KLHL23: variants seen among roughly 807,000 people sequenced by gnomAD.
The protein encoded by KLHL23 is kelch like family member 23.
In KLHL23, 33 loss-of-function variants were observed where a neutral mutation model predicts 48.9. The ratio of observed to expected loss-of-function variants is 0.67; its 90% CI spans 0.51 to 0.90. The LOEUF is 0.90. Among genes scored for constraint, KLHL23 ranks in the 40% least tolerant of loss-of-function variants. KLHL23 has a pLI of 0.00. For missense variants in KLHL23, 608 were observed against 669.6 expected, an observed-to-expected ratio of 0.91 and a Z score of 1.02; for synonymous variants, 234 against 231.6, an observed-to-expected ratio of 1.01 and a Z score of -0.09.
chr2:169,744,234 G>A (rs1229837332), intron 3 of KLHL23, among the ~76,000 whole-genome samples: 1 of 152,160 alleles, frequency 6.6e-6, no homozygotes, highest in African/African-American at 2.4e-5. Context: ...GCTAAGTTCT[G>A]TAAAAACAAG....
At chr2:169,746,177 C>G (rs1245840047) in intron 3 of KLHL23, among the ~76,000 whole-genome samples, 1 of 152,178 alleles carries the variant, frequency 6.6e-6, no homozygotes. Flanking sequence ...ACTTTCCTGG[C>G]CCTGCCATTT....
rs1688938869 is a variant in KLHL23 at position 169,750,145 on chromosome 2, T to TATATATACACATATATAC, written c.*413_*414insATATATACACATATATAC. On this transcript the variant is annotated 3_prime_UTR_variant, in exon 4 of 4. Coordinates refer to ENST00000392647, the MANE Select transcript of KLHL23 (RefSeq NM_144711.6). ...ATATATACACATATATACGTATATA[T>TATATATACACATATATAC]GTGTATATATATACACAGTTGAATC... The TATATATACACATATATAC allele has an allele frequency of 9.8e-6, 1 of 102,272 alleles. No individual in the cohort carries two copies. The allele number at this position is 102,272 out of a possible 1,614,324, so 6.3% of individuals were successfully genotyped here. A position where few individuals can be genotyped will look rare whatever the true frequency, so the allele number is the denominator to read the frequency against.
intron 2 of KLHL23, among the ~76,000 whole-genome samples, chr2:169,738,852 CTCA>C (rs1688589158): frequency 6.8e-4 from 2 of 2,958 alleles, no homozygotes; most frequent in Admixed American, 4.4e-3. Flanking sequence ...CCTCCCCTTC[CTCA>C]CCCTCCCCTC....
At position 169,735,781 on chromosome 2, in the gene KLHL23, T is replaced by C. The variant is rs779455740; in HGVS notation, c.767T>C (p.Ile256Thr). The C allele has an allele frequency of 2.5e-6, 4 of 1,613,962 alleles. No homozygotes were observed. Among genetic ancestry groups the C allele is most frequent in the Middle Eastern group, 1.6e-4 (1 of 6,084 alleles). ...ACCGAAAATAAGATCCGCTCCCTAA[T>C]ATACAATGCCTTGAATCCCATGCAT... ...LLTENKIRSL[I>T]YNALNPMHKE... Residue 256 changes from isoleucine to threonine, a missense_variant, in exon 2 of 4, where the codon ATA (isoleucine) becomes ACA (threonine). Coordinates refer to ENST00000392647, the MANE Select transcript of KLHL23 (RefSeq NM_144711.6). The surrounding 1 kb of genome is among the most constrained non-coding windows in gnomAD (Gnocchi z 4.5).
chr2:169,747,081 T>G (rs1057225954), intron 3 of KLHL23, among the ~76,000 whole-genome samples: 2 of 152,116 alleles, frequency 1.3e-5, no homozygotes, highest in African/African-American at 2.4e-5. Context: ...AGACTTTCCT[T>G]AGCTGTCAAA....
At chr2:169,738,291 G>GGT (rs1371424940) in intron 2 of KLHL23, among the ~76,000 whole-genome samples, 24 of 132,002 alleles carry the variant, frequency 1.8e-4, no homozygotes, top group Admixed American at 7.2e-5. Flanking sequence ...AACTAGAAAT[G>GGT]GCGGGGGGTC....
At position 169,734,153 on chromosome 2, in the gene KLHL23, G is replaced by GAGCGGGGCCGGGCGCGGGC. The variant is rs1176620927; in HGVS notation, c.-3+90_-3+108dup. 6.8e-4 allele frequency: 100 copies of GAGCGGGGCCGGGCGCGGGC among 146,596 alleles called. 2 individuals are homozygous for GAGCGGGGCCGGGCGCGGGC. The highest frequency in any genetic ancestry group is 6.7e-3 in the East Asian group (33 of 4,906). The allele number at this position is 146,596 out of a possible 1,614,324, so 9.1% of individuals were successfully genotyped here. A position where few individuals can be genotyped will look rare whatever the true frequency, so the allele number is the denominator to read the frequency against. ...GGGAGCGAGCGGGGCCGGGCGCGGG[G>GAGCGGGGCCGGGCGCGGGC]AGCGGGGCCGGGCGCGGGCAGCGGG... On this transcript the variant is annotated intron_variant, in intron 1 of 3. Transcript: ENST00000392647.
In KLHL23 at chr2:169,751,856, T is replaced by G. The variant is rs940697064; in HGVS notation, c.*2124T>G. 1.3e-5 allele frequency: 2 copies of G among 152,008 alleles called. No homozygotes were observed. The highest frequency in any genetic ancestry group is 6.6e-5 in the Admixed American group (1 of 15,264). The allele number at this position is 152,008 out of a possible 1,614,324, so 9.4% of individuals were successfully genotyped here. A position where few individuals can be genotyped will look rare whatever the true frequency, so the allele number is the denominator to read the frequency against. On this transcript the variant is annotated 3_prime_UTR_variant, in exon 4 of 4. Coordinates refer to ENST00000392647, the MANE Select transcript of KLHL23 (RefSeq NM_144711.6). ...CTTTTCTTTAATATTACTTTGTATT[T>G]TCAATAAAAATAAATCACTGTACAT...
chr2:169,735,758 C>T lies in KLHL23; in HGVS notation c.744C>T (p.Thr248=), dbSNP rs767778968. ...ALGLQRSCLL[T]ENKIRSLIYN... The stretch of plus-strand genomic sequence containing the variant: ...GCCTTCAAAGAAGCTGCCTGCTCAC[C>T]GAAAATAAGATCCGCTCCCTAATAT... The change falls in exon 2 of 4, where the codon ACC becomes ACT. Residue 248 remains threonine (T), a synonymous_variant. Coordinates refer to ENST00000392647, the MANE Select transcript of KLHL23 (RefSeq NM_144711.6). The surrounding 1 kb of genome is among the most constrained non-coding windows in gnomAD (Gnocchi z 4.5). The T allele has an allele frequency of 2.2e-5, 36 of 1,613,986 alleles. No individual in the cohort carries two copies. The highest frequency in any genetic ancestry group is 2.9e-5 in the Non-Finnish European group (34 of 1,180,012).
At position 169,735,910 on chromosome 2, in the gene KLHL23, G is replaced by C. The variant is rs761803307; in HGVS notation, c.896G>C (p.Trp299Ser). ...VHIWDPLTNV[W>S]IQGAEIPDYT... ...ATATGGGATCCTTTGACAAATGTTT[G>C]GATTCAGGGAGCAGAAATACCAGAT... The change falls in exon 2 of 4, where the codon TGG becomes TCG. Residue 299 changes from tryptophan to serine, a missense_variant. This residue lies in a region of KLHL23 where 419 missense variants were observed against 473.1 expected (regional missense o/e 0.89). Coordinates refer to ENST00000392647, the MANE Select transcript of KLHL23 (RefSeq NM_144711.6). This position sits in a 1 kb window ranked among gnomAD's most constrained non-coding sequence, Gnocchi z 4.5. 16 of 1,614,074 alleles carry C rather than the reference G, an allele frequency of 9.9e-6. No individual in the cohort carries two copies. The highest frequency in any genetic ancestry group is 1.7e-5 in the Admixed American group (1 of 60,004).
At chr2:169,742,910 A>G (rs75670830) in intron 3 of KLHL23, among the ~76,000 whole-genome samples, 1,544 of 152,344 alleles carry the variant, frequency 0.01, 29 homozygotes, top group East Asian at 0.086. Context: ...TATTCCAGTA[A>G]TTTTACATGT....
At chr2:169,734,910 C>A in intron 1 of KLHL23, 103 bp from the exon 2 acceptor site, 1 of 1,409,240 alleles carries the variant, frequency 7.1e-7, no homozygotes, top group Non-Finnish European at 9.4e-7. Flanking sequence ...TGAACTTAGT[C>A]CAGTTTTGGA....
intron 3 of KLHL23, among the ~76,000 whole-genome samples, chr2:169,745,273 G>C (rs369169732): frequency 3.3e-5 from 5 of 151,960 alleles, no homozygotes; most frequent in African/African-American, 1.2e-4. Flanking sequence ...TGCACTTTGG[G>C]AGGCCAAGGT....
rs756804297 is a variant in KLHL23, at chr2:169,741,459, A to T, written c.1288A>T (p.Ser430Cys). ...TGGTGGCCACTGTGGCTACAGAGGA[A>T]GCTGCACCTATGACAAAGTTCAGAG... is the stretch of plus-strand genomic sequence containing the variant. ...VIGGHCGYRG[S>C]CTYDKVQSYN... Residue 430 changes from serine (S) to cysteine (C), a missense_variant, in exon 3 of 4, where the codon AGC becomes TGC. Physicochemically the swap from Ser to Cys is moderately radical, Grantham distance 112. Transcript: ENST00000392647. 1.2e-6 allele frequency: 2 copies of T among 1,613,912 alleles called. No individual in the cohort carries two copies. The highest frequency in any genetic ancestry group is 1.7e-6 in the Non-Finnish European group (2 of 1,179,960).
rs530834059 is a variant in KLHL23, at chr2:169,737,880, G to T, written c.1213+1653G>T. On this transcript the variant is annotated intron_variant, in intron 2 of 3. Transcript: ENST00000392647. Reference sequence around the variant, plus strand: ...TCCCCCCACCTTGGCCTCCCAAAGTGCTGGGATTACAAGGGTGGGTTCAGA... The same window carrying T: ...TCCCCCCACCTTGGCCTCCCAAAGTTCTGGGATTACAAGGGTGGGTTCAGA... Among the ~76,000 whole-genome samples, 34 of 152,272 alleles carry T rather than the reference G, an allele frequency of 2.2e-4. No homozygotes were observed. In the South Asian group the frequency reaches 6.0e-3, roughly 27 times the overall value.
chr2:169,744,009 T>A (rs1037767039), intron 3 of KLHL23, among the ~76,000 whole-genome samples: 8 of 152,180 alleles, frequency 5.3e-5, no homozygotes, highest in Non-Finnish European at 1.2e-4. Flanking sequence ...AGTATTATAT[T>A]TTATCTTAAC....
At chr2:169,736,358 C>G (rs1688518445) in intron 2 of KLHL23, 131 bp downstream of exon 2, 1 of 1,286,412 alleles carries the variant, frequency 7.8e-7, no homozygotes, top group Non-Finnish European at 1.0e-6. Context: ...TAATGCTACA[C>G]AGAATGTTCC....
intron 3 of KLHL23, among the ~76,000 whole-genome samples, chr2:169,745,382 G>A (rs576373585): frequency 1.7e-4 from 26 of 151,954 alleles, no homozygotes; most frequent in African/African-American, 5.5e-4. Flanking sequence ...GCATGGTGGC[G>A]GGCACCTGTA....
rs1553477017 is a variant in KLHL23, at chr2:169,740,766, T to TAATATATATATATATATATATA, written c.1214-619_1214-618insAATATATATATATATATATATA. On this transcript the variant is annotated intron_variant, in intron 2 of 3. Coordinates refer to ENST00000392647, the MANE Select transcript of KLHL23 (RefSeq NM_144711.6). ...CCCGGCCTCTATAAGCTTTTTTATA[T>TAATATATATATATATATATATA]TATATATATATATATATATATATAT... Among the ~76,000 whole-genome samples, 884 of 125,270 alleles carry TAATATATATATATATATATATA rather than the reference T, an allele frequency of 7.1e-3. 22 individuals are homozygous for TAATATATATATATATATATATA. The highest frequency in any genetic ancestry group is 0.016 in the Middle Eastern group (4 of 258). The allele number at this position is 125,270 out of a possible 152,430, so 82.2% of individuals were successfully genotyped here.
Sources: gnomAD v4.1 joint callset for allele counts (sites outside exome capture counted in the v4.1 genomes callset) on GRCh38, gnomAD v4.1.1 for gene constraint, gnomAD v4.1.1 regional missense constraint, Gnocchi (gnomAD v3.1) non-coding constraint, MANE v1.5 for transcripts, NCBI Gene and HGNC (gene_info 2026-07-23, HGNC 2026-07-21) for gene names.